The following IL1RAPL1 variants were observed in gnomAD, a reference collection of about 807,000 sequenced individuals.
IL1RAPL1 encodes the protein interleukin-1 receptor accessory protein-like 1.
IL1RAPL1 carries 3 observed loss-of-function variants against 48.4 expected under a neutral mutation model. The ratio of observed to expected loss-of-function variants is 0.06; its 90% CI spans 0.03 to 0.16. The LOEUF (loss-of-function observed/expected upper bound fraction) is 0.16. Ranked by LOEUF, IL1RAPL1 falls within the 10% of genes least tolerant of loss-of-function variation. The pLI, the probability that IL1RAPL1 is intolerant of heterozygous loss-of-function variation, is 1.00. For synonymous variants in IL1RAPL1, 185 were observed against 187.7 expected (o/e 0.99, Z 0.12); for missense variants, 349 against 530.6 (o/e 0.66, Z 3.36).
At chrX:29,918,813 C>A (rs192089526) in intron 7 of IL1RAPL1, among the ~76,000 whole-genome samples, 1 of 112,021 alleles carries the variant, frequency 8.9e-6, no homozygotes, top group Non-Finnish European at 1.9e-5. Context: ...AATTATAATT[C>A]ATTCAATGCT....
At chrX:28,916,661 G>GCA (rs1395095335) in intron 2 of IL1RAPL1, among the ~76,000 whole-genome samples, 2 of 112,076 alleles carry the variant, frequency 1.8e-5, no homozygotes, top group East Asian at 5.6e-4. Context: ...TGAGTTTTCT[G>GCA]CATATCCACC....
chrX:28,787,125 ATTAATT>A (rs1936484460), intron 1 of IL1RAPL1, among the ~76,000 whole-genome samples: 1 of 112,408 alleles, frequency 8.9e-6, no homozygotes, highest in African/African-American at 3.2e-5. Flanking sequence ...TTCCACACAT[ATTAATT>A]TTAAGAAATA....
At chrX:29,443,477 T>C (rs753610774) in intron 5 of IL1RAPL1, among the ~76,000 whole-genome samples, 1 of 111,235 alleles carries the variant, frequency 9.0e-6, no homozygotes, top group East Asian at 2.8e-4. Flanking sequence ...AAACTTCCCT[T>C]TGTGACTCTG....
chrX:29,939,638 T>C (rs142975941), intron 8 of IL1RAPL1, among the ~76,000 whole-genome samples: 1,766 of 112,270 alleles, frequency 0.016, 39 homozygotes, highest in African/African-American at 0.054. Context: ...TTTTCAGTGT[T>C]TTACACTTCA....
intron 5 of IL1RAPL1, among the ~76,000 whole-genome samples, chrX:29,436,220 AT>A (rs772200361): frequency 9.1e-6 from 1 of 110,131 alleles, no homozygotes; most frequent in African/African-American, 3.3e-5. Context: ...TATGTTTTAG[AT>A]TTTTCTTACT....
intron 2 of IL1RAPL1, among the ~76,000 whole-genome samples, chrX:29,252,444 A>AT (rs747710472): frequency 1.8e-5 from 2 of 113,974 alleles, no homozygotes; most frequent in Admixed American, 9.2e-5. Flanking sequence ...GGTTAAATAC[A>AT]TTTTTTTAAA....
chrX:28,739,609 T>C (rs1449100562), intron 1 of IL1RAPL1, among the ~76,000 whole-genome samples: 2 of 111,848 alleles, frequency 1.8e-5, no homozygotes, highest in Non-Finnish European at 3.8e-5. Context: ...AGACAGGATT[T>C]TAATTCACAC....
chrX:28,588,206 A>ATGTG (rs768348078), intron 1 of IL1RAPL1, among the ~76,000 whole-genome samples, 159 bp downstream of exon 1: 284 of 49,949 alleles, frequency 5.7e-3, no homozygotes, highest in South Asian at 0.011. Context: ...GTGTGTTGAT[A>ATGTG]TGTGTGTGTG....
At chrX:28,850,183 C>T (rs1265490847) in intron 2 of IL1RAPL1, among the ~76,000 whole-genome samples, 1 of 111,956 alleles carries the variant, frequency 8.9e-6, no homozygotes, top group Non-Finnish European at 1.9e-5. Context: ...AGTTGGAGCT[C>T]AGATTTTTAT....
chrX:28,949,638 G>C (rs975964062), intron 2 of IL1RAPL1, among the ~76,000 whole-genome samples: 8 of 110,628 alleles, frequency 7.2e-5, no homozygotes, highest in Non-Finnish European at 1.1e-4. Context: ...ATTCTAACTG[G>C]TGTGAGATGG....
At chrX:29,463,752 G>A (rs1006689340) in intron 5 of IL1RAPL1, among the ~76,000 whole-genome samples, 1 of 111,817 alleles carries the variant, frequency 8.9e-6, no homozygotes, top group Non-Finnish European at 1.9e-5. Flanking sequence ...TAAAGTTGAT[G>A]TGATGTTATG....
At chrX:29,354,625 A>C (rs181211899) in intron 3 of IL1RAPL1, among the ~76,000 whole-genome samples, 173 of 112,258 alleles carry the variant, frequency 1.5e-3, no homozygotes, top group Non-Finnish European at 2.7e-3. Context: ...GATCACACAA[A>C]TATCACTAGC....
rs1934955068 is a variant in IL1RAPL1, at chrX:28,672,337, A to C, written c.-25+84290A>C. Among the ~76,000 whole-genome samples, 3 of 112,145 alleles carry C rather than the reference A, an allele frequency of 2.7e-5. No homozygotes were observed. In the Admixed American group the frequency reaches 2.8e-4, roughly 11 times the overall value. ...ATTGATCTCTCAGTTAAAAGCTGCT[A>C]AATGAGTGAATGAAAAGATAGAAGC... On this transcript the variant is annotated intron_variant, in intron 1 of 10. Coordinates refer to ENST00000378993, the MANE Select transcript of IL1RAPL1 (RefSeq NM_014271.4).
chrX:29,751,491 GT>G (rs928555452), intron 6 of IL1RAPL1, among the ~76,000 whole-genome samples: 1 of 111,613 alleles, frequency 9.0e-6, no homozygotes, highest in African/African-American at 3.3e-5. Flanking sequence ...TATAGTATCT[GT>G]TCTTATCCAT....
At chrX:29,240,883 G>A (rs1322613453) in intron 2 of IL1RAPL1, among the ~76,000 whole-genome samples, 1 of 112,178 alleles carries the variant, frequency 8.9e-6, no homozygotes, top group Non-Finnish European at 1.9e-5. Context: ...GCAAAAAATT[G>A]CTAACGTCTC....
chrX:29,580,064 A>G (rs762094385), intron 5 of IL1RAPL1, among the ~76,000 whole-genome samples: 14 of 110,316 alleles, frequency 1.3e-4, no homozygotes, highest in Non-Finnish European at 2.3e-4. Context: ...CTTCTCCCCA[A>G]TTTAGTATTC....
At chrX:28,817,222 C>T (rs966975313) in intron 2 of IL1RAPL1, among the ~76,000 whole-genome samples, 6 of 110,307 alleles carry the variant, frequency 5.4e-5, no homozygotes, top group Admixed American at 9.7e-5. Flanking sequence ...ATATTATAAG[C>T]AACAATTGTA....
Position 29,955,107 on chromosome X carries a change from A to G in IL1RAPL1, c.1378A>G (p.Ile460Val), listed in dbSNP as rs1933394240. Residue 460 changes from isoleucine to valine, a missense_variant, in exon 11 of 11, where the codon ATT (isoleucine) becomes GTT (valine). Physicochemically the swap from Ile to Val is conservative, Grantham distance 29. This residue lies in a region of IL1RAPL1 where 238 missense variants were observed against 337.8 expected (regional missense o/e 0.70). Coordinates refer to ENST00000378993, the MANE Select transcript of IL1RAPL1 (RefSeq NM_014271.4). ...CACTCTTTTATCTTTTGTAGCATAC[A>G]TTGAAGATGTGGCAAGATGTGTAGA... ...DRDLIPTGTY[I>V]EDVARCVDQS... 3.3e-6 allele frequency: 4 copies of G among 1,205,316 alleles called. No homozygotes were observed. Among genetic ancestry groups the G allele is most frequent in the African/African-American group, 1.7e-5 (1 of 57,151 alleles).
chrX:29,715,000 T>G (rs1358025543), intron 6 of IL1RAPL1, among the ~76,000 whole-genome samples: 4 of 112,183 alleles, frequency 3.6e-5, no homozygotes, highest in African/African-American at 6.5e-5. Flanking sequence ...TCATCCTCTT[T>G]CCAGGTAATC....
Sources: allele counts gnomAD v4.1 joint callset (sites outside exome capture counted in the v4.1 genomes callset), GRCh38; gene constraint gnomAD v4.1.1; regional missense constraint gnomAD v4.1.1; transcripts MANE v1.5; gene names NCBI Gene and HGNC (gene_info 2026-07-23, HGNC 2026-07-21).